RNF152: variants seen among roughly 807,000 people sequenced by gnomAD.
RNF152 encodes ring finger protein 152.
Under a neutral mutation model 12.7 loss-of-function variants are expected in RNF152, and 11 were observed. The ratio of observed to expected loss-of-function variants is 0.86; its 90% CI spans 0.54 to 1.43. The LOEUF (loss-of-function observed/expected upper bound fraction) is 1.43. Among genes scored for constraint, RNF152 ranks in the 40% most tolerant of loss-of-function variants. RNF152 has a pLI of 0.00. For synonymous variants in RNF152, 113 were observed against 120.3 expected (o/e 0.94, Z 0.40); for missense variants, 255 against 274.8 (o/e 0.93, Z 0.51).
rs569422605 is a variant in RNF152 at position 61,822,497 on chromosome 18, G to A, written c.-135-5899C>T. On this transcript the variant is annotated intron_variant, in intron 1 of 1. Transcript: ENST00000312828. ...AAAAGGTACAGGTGTGACAAAGTGC[G>A]CGCATTCATTTGGTAGGTGGTAAAA... Among the ~76,000 whole-genome samples, 75 of 152,244 alleles carry A rather than the reference G, an allele frequency of 4.9e-4. 2 individuals are homozygous for A. In the South Asian group the frequency reaches 0.013, roughly 26 times the overall value.
intron 1 of RNF152, among the ~76,000 whole-genome samples, chr18:61,884,044 T>C (rs1195474112): frequency 6.6e-6 from 1 of 152,212 alleles, no homozygotes; most frequent in Non-Finnish European, 1.5e-5. Flanking sequence ...ACCATGCCTA[T>C]TCATCCCGAT....
chr18:61,820,325 TC>T, intron 1 of RNF152, among the ~76,000 whole-genome samples: 1 of 62,940 alleles, frequency 1.6e-5, no homozygotes, highest in Non-Finnish European at 2.9e-5. Context: ...AGAGACTCCG[TC>T]TCACCAAAAA....
At chr18:61,825,212 G>GC (rs1385799309) in intron 1 of RNF152, among the ~76,000 whole-genome samples, 2 of 152,200 alleles carry the variant, frequency 1.3e-5, no homozygotes, top group Non-Finnish European at 2.9e-5. Context: ...CCCTCAAGGA[G>GC]CCTGGATGTA....
chr18:61,870,685 C>T (rs537245935), intron 1 of RNF152, among the ~76,000 whole-genome samples: 3 of 152,228 alleles, frequency 2.0e-5, no homozygotes, highest in East Asian at 3.9e-4. Flanking sequence ...GATCGAGGTC[C>T]TATTTTCCTA....
At chr18:61,834,110 G>A (rs757823795) in intron 1 of RNF152, among the ~76,000 whole-genome samples, 2 of 152,130 alleles carry the variant, frequency 1.3e-5, no homozygotes, top group Admixed American at 6.5e-5. Context: ...TCTTATTTTT[G>A]TTACGTCCTG....
intron 1 of RNF152, among the ~76,000 whole-genome samples, chr18:61,861,560 G>A (rs1293503341): frequency 2.0e-5 from 3 of 152,188 alleles, no homozygotes; most frequent in African/African-American, 4.8e-5. Context: ...AGGCATGACT[G>A]TACATGTTAC....
chr18:61,888,505 A>T (rs1027617030), intron 1 of RNF152: 10 of 152,232 alleles, frequency 6.6e-5, no homozygotes, highest in African/African-American at 2.4e-4. Context: ...AATAAACTAC[A>T]TGAGATATTT....
chr18:61,865,440 A>G (rs77848152), intron 1 of RNF152, among the ~76,000 whole-genome samples: 4,854 of 152,334 alleles, frequency 0.032, 267 homozygotes, highest in African/African-American at 0.11. Flanking sequence ...ATAAAATTAA[A>G]TATAAAACTC....
At chr18:61,890,731 A>G (rs1912918702) in intron 1 of RNF152, among the ~76,000 whole-genome samples, 1 of 152,198 alleles carries the variant, frequency 6.6e-6, no homozygotes, top group Admixed American at 6.5e-5. Flanking sequence ...ACTGAACACT[A>G]CCTTGAAAAG....
intron 1 of RNF152, among the ~76,000 whole-genome samples, chr18:61,830,165 G>A (rs1397076181): frequency 6.6e-6 from 1 of 151,906 alleles, no homozygotes; most frequent in Non-Finnish European, 1.5e-5. Context: ...GGGACTACAG[G>A]CACACACCAC....
chr18:61,809,929 T>C lies in RNF152; in HGVS notation c.*5923A>G, dbSNP rs1327632648. The C allele has an allele frequency of 6.7e-6, 1 of 148,206 alleles. No individual in the cohort carries two copies. Among genetic ancestry groups the C allele is most frequent in the Non-Finnish European group, 1.5e-5 (1 of 67,520 alleles). 9.2% of individuals were successfully genotyped at this position (148,206 alleles called of 1,614,324 possible). On this transcript the variant is annotated 3_prime_UTR_variant, in exon 2 of 2. Transcript: ENST00000312828. The stretch of plus-strand genomic sequence containing the variant: ...TTTGTGCAGAAAAATGGGAACCAAA[T>C]TGCAGGGATTCGGGAATAATGGTGC...
At chr18:61,858,567 C>T (rs565963629) in intron 1 of RNF152, among the ~76,000 whole-genome samples, 1 of 152,202 alleles carries the variant, frequency 6.6e-6, no homozygotes, top group African/African-American at 2.4e-5. Flanking sequence ...GGCCCCAACT[C>T]TACTGCAGCC....
intron 1 of RNF152, among the ~76,000 whole-genome samples, chr18:61,836,732 A>AG (rs998770292): frequency 6.6e-6 from 1 of 152,156 alleles, no homozygotes; most frequent in Non-Finnish European, 1.5e-5. Flanking sequence ...GAATTTAAAA[A>AG]AAAAATCCTT....
At chr18:61,831,127 A>C (rs999096574) in intron 1 of RNF152, among the ~76,000 whole-genome samples, 2 of 152,200 alleles carry the variant, frequency 1.3e-5, no homozygotes, top group Non-Finnish European at 2.9e-5. Context: ...ATTAAACCTT[A>C]ACAGCACTCA....
intron 1 of RNF152, among the ~76,000 whole-genome samples, chr18:61,880,651 G>A (rs942963745): frequency 2.0e-5 from 3 of 152,108 alleles, no homozygotes; most frequent in Admixed American, 6.5e-5. Flanking sequence ...AATACATTGC[G>A]GAATCCAAGA....
chr18:61,831,192 A>G (rs916186081), intron 1 of RNF152, among the ~76,000 whole-genome samples: 1 of 152,224 alleles, frequency 6.6e-6, no homozygotes, highest in African/African-American at 2.4e-5. Flanking sequence ...GGTTCTGTGC[A>G]CCAGGCTGGA....
At chr18:61,818,801 GC>G (rs760665455) in intron 1 of RNF152, among the ~76,000 whole-genome samples, 10 of 152,092 alleles carry the variant, frequency 6.6e-5, no homozygotes, top group Non-Finnish European at 7.4e-5. Context: ...AATTTTCATT[GC>G]ATATCTACTA....
chr18:61,829,504 G>GAT (rs145928342), intron 1 of RNF152, among the ~76,000 whole-genome samples: 9 of 150,184 alleles, frequency 6.0e-5, no homozygotes, highest in South Asian at 2.1e-4. Flanking sequence ...GGGAGAGAGA[G>GAT]ATATATATAT....
chr18:61,873,632 C>T (rs1051402821), intron 1 of RNF152, among the ~76,000 whole-genome samples: 3 of 152,234 alleles, frequency 2.0e-5, no homozygotes, highest in African/African-American at 7.2e-5. Flanking sequence ...CCACGCCCAG[C>T]CTCAGTCTCC....
Sources: allele counts gnomAD v4.1 joint callset (sites outside exome capture counted in the v4.1 genomes callset), GRCh38; gene constraint gnomAD v4.1.1; transcripts MANE v1.5; gene names NCBI Gene and HGNC (gene_info 2026-07-23, HGNC 2026-07-21).